The following PDE4B variants were observed in gnomAD, a reference collection of about 807,000 sequenced individuals.
PDE4B encodes the protein phosphodiesterase 4B.
A neutral mutation model predicts 82.2 loss-of-function variants in PDE4B; 20 were observed. The observed-to-expected ratio is 0.24, with a 90% confidence interval of 0.17 to 0.35. PDE4B has a LOEUF of 0.35. PDE4B is among the 10% of genes least tolerant of loss of function. The pLI is 1.00. For missense variants in PDE4B, 655 were observed against 907.2 expected (o/e 0.72, Z 3.57); for synonymous variants, 320 against 318.9 (o/e 1.00, Z -0.04).
intron 7 of PDE4B, among the ~76,000 whole-genome samples, chr1:66,311,901 A>G (rs1379719282): frequency 1.3e-5 from 2 of 152,210 alleles, no homozygotes; most frequent in African/African-American, 2.4e-5. Flanking sequence ...AGCACCGCAT[A>G]TAGGGATCTG....
chr1:66,181,380 C>G (rs1647059897), intron 3 of PDE4B, among the ~76,000 whole-genome samples: 1 of 152,190 alleles, frequency 6.6e-6, no homozygotes, highest in Admixed American at 6.5e-5. Context: ...CACATGTTCT[C>G]TTGTTCGCTC....
intron 3 of PDE4B, among the ~76,000 whole-genome samples, chr1:66,236,052 A>G (rs776292377): frequency 5.9e-5 from 9 of 152,234 alleles, no homozygotes; most frequent in Non-Finnish European, 1.0e-4. Context: ...TATATCGTAA[A>G]AAGTACAGAG....
chr1:66,120,985 C>T (rs10157315), intron 3 of PDE4B, among the ~76,000 whole-genome samples: 18,307 of 151,964 alleles, frequency 0.12, 2,749 homozygotes, highest in African/African-American at 0.35. Context: ...TGCATGTGTC[C>T]CCATAGTGTC....
In PDE4B at chr1:66,013,528, G is replaced by T. The variant is rs116189811; in HGVS notation, c.281+94693G>T. Among the ~76,000 whole-genome samples, 1,460 of 151,994 alleles carry T rather than the reference G, an allele frequency of 9.6e-3. 22 individuals are homozygous for T. Among genetic ancestry groups the T allele is most frequent in the African/African-American group, 0.033 (1,376 of 41,444 alleles). ...AAATTTACCATCTTCGCTATTTCTA[G>T]GTGTACAGTTCAGTAGTGTTACGTA... On this transcript the variant is annotated intron_variant, in intron 3 of 16. Transcript: ENST00000341517.
At chr1:66,179,874 A>G (rs541281800) in intron 3 of PDE4B, among the ~76,000 whole-genome samples, 6 of 152,194 alleles carry the variant, frequency 3.9e-5, no homozygotes, top group Non-Finnish European at 5.9e-5. Flanking sequence ...TCGGAATCCA[A>G]TGCTTGTTTC....
chr1:66,058,250 G>A (rs1374167754), intron 3 of PDE4B, among the ~76,000 whole-genome samples: 1 of 152,184 alleles, frequency 6.6e-6, no homozygotes, highest in Non-Finnish European at 1.5e-5. Context: ...ATGGTATTGG[G>A]CAGCTCCACT....
rs1553178144 is a variant in PDE4B at position 66,371,133 on chromosome 1, T to TAA, written c.1846-1179_1846-1178dup. Among the ~76,000 whole-genome samples, 13 of 127,092 alleles carry TAA rather than the reference T, an allele frequency of 1.0e-4. 1 individual carries two copies. Among genetic ancestry groups the TAA allele is most frequent in the South Asian group, 4.9e-4 (2 of 4,100 alleles). 83.4% of individuals were successfully genotyped at this position (127,092 alleles called of 152,430 possible). A position where few individuals can be genotyped will look rare whatever the true frequency, so the allele number is the denominator to read the frequency against. ...ATATATATATATATATATATATATATAATTTTATTTATGAAAGAATCACAT... is the reference window on the plus strand; with the variant it reads ...ATATATATATATATATATATATATATAAAATTTTATTTATGAAAGAATCACAT... On this transcript the variant is annotated intron_variant, in intron 16 of 16. Coordinates refer to ENST00000341517, the MANE Select transcript of PDE4B (RefSeq NM_002600.4).
intron 16 of PDE4B, among the ~76,000 whole-genome samples, chr1:66,370,150 CAAAAAAAAAAAA>C (rs752920376): frequency 4.2e-4 from 12 of 28,654 alleles, no homozygotes; most frequent in East Asian, 1.5e-3. Context: ...GACTCTATCT[CAAAAAAAAAAAA>C]AAAAAAAAAA....
chr1:66,247,428 A>G, intron 3 of PDE4B, 32 bp from the exon 4 acceptor site: 1 of 1,496,282 alleles, frequency 6.7e-7, no homozygotes, highest in South Asian at 1.3e-5. Flanking sequence ...CATGGTTATC[A>G]TGTGACCAGA....
intron 1 of PDE4B, among the ~76,000 whole-genome samples, chr1:65,873,931 T>C (rs1200239334): frequency 1.3e-5 from 2 of 150,246 alleles, no homozygotes; most frequent in Admixed American, 6.6e-5. Flanking sequence ...AACTTTAAAG[T>C]AGTTTTTTCC....
intron 3 of PDE4B, among the ~76,000 whole-genome samples, chr1:66,220,114 G>A (rs1249855849): frequency 1.9e-5 from 2 of 107,696 alleles, no homozygotes; most frequent in Non-Finnish European, 4.6e-5. Context: ...TAAGTAAAAG[G>A]AAAGAAGAGG....
intron 3 of PDE4B, among the ~76,000 whole-genome samples, chr1:66,223,027 G>A (rs778364938): frequency 6.6e-6 from 1 of 152,014 alleles, no homozygotes; most frequent in African/African-American, 2.4e-5. Flanking sequence ...ATTTTTTAAC[G>A]AAACGTTAAC....
chr1:65,796,842 G>A lies in PDE4B; in HGVS notation c.-71+3594G>A, dbSNP rs147634405. On this transcript the variant is annotated intron_variant, in intron 1 of 16. Coordinates refer to ENST00000341517, the MANE Select transcript of PDE4B (RefSeq NM_002600.4). ...TTTTTTGTATTTTTAGTGGAGAAGC[G>A]GTTTCACCATTTTGGCTAGGATGGT... Among the ~76,000 whole-genome samples the A allele has an allele frequency of 2.0e-3, 301 of 151,790 alleles. 2 individuals are homozygous for A. The highest frequency in any genetic ancestry group is 6.7e-3 in the African/African-American group (277 of 41,380).
chr1:66,136,920 T>C (rs1646070694), intron 3 of PDE4B, among the ~76,000 whole-genome samples: 1 of 152,068 alleles, frequency 6.6e-6, no homozygotes, highest in Non-Finnish European at 1.5e-5. Context: ...ATAGTCAACA[T>C]ATGGGATGTT....
intron 1 of PDE4B, among the ~76,000 whole-genome samples, chr1:65,814,069 G>A (rs1016160511): frequency 7.2e-5 from 11 of 152,110 alleles, no homozygotes; most frequent in African/African-American, 1.9e-4. Context: ...ACCCAGAGTC[G>A]AGAGCCAGGT....
intron 3 of PDE4B, among the ~76,000 whole-genome samples, chr1:65,995,940 A>C (rs1252821271): frequency 6.6e-6 from 1 of 152,192 alleles, no homozygotes; most frequent in African/African-American, 2.4e-5. Flanking sequence ...TTTTATTTGT[A>C]GATTTCATAT....
At chr1:65,920,382 T>C (rs1003034949) in intron 3 of PDE4B, among the ~76,000 whole-genome samples, 1 of 152,218 alleles carries the variant, frequency 6.6e-6, no homozygotes, top group Non-Finnish European at 1.5e-5. Flanking sequence ...GTGTTGGTGC[T>C]ATATCTGTTG....
intron 3 of PDE4B, among the ~76,000 whole-genome samples, chr1:66,022,222 G>T (rs1328586334): frequency 1.3e-5 from 2 of 152,166 alleles, no homozygotes; most frequent in African/African-American, 4.8e-5. Context: ...AGACGATGGG[G>T]TTTTCTAAAT....
At chr1:65,831,702 A>C (rs1216958808) in intron 1 of PDE4B, among the ~76,000 whole-genome samples, 1 of 152,084 alleles carries the variant, frequency 6.6e-6, no homozygotes, top group Non-Finnish European at 1.5e-5. Flanking sequence ...CCAGTCAAAG[A>C]TGCTATAAGA....
Sources: allele counts gnomAD v4.1 joint callset (sites outside exome capture counted in the v4.1 genomes callset), GRCh38; gene constraint gnomAD v4.1.1; transcripts MANE v1.5; gene names NCBI Gene and HGNC (gene_info 2026-07-23, HGNC 2026-07-21).